Variants in DLGAP5 observed in about 807,000 individuals in gnomAD.
DLGAP5 encodes disks large-associated protein 5.
Under a neutral mutation model 99.6 loss-of-function variants are expected in DLGAP5, and 90 were observed. The observed-to-expected ratio is 0.90, with a 90% CI of 0.76 to 1.08. The LOEUF is 1.08. DLGAP5 is among the 50% of genes least tolerant of loss of function. The pLI is 0.00. For synonymous variants in DLGAP5, 311 were observed against 321.3 expected (o/e 0.97, Z 0.34); for missense variants, 1,036 against 983.5 (o/e 1.05, Z -0.71).
chr14:55,152,579 A>C lies in DLGAP5; in HGVS notation c.2121+11T>G. 2.5e-6 allele frequency: 4 copies of C among 1,596,718 alleles called. No homozygotes were observed. The highest frequency in any genetic ancestry group is 1.7e-5 in the Admixed American group (1 of 58,764). ...TACTGGGCTATCTAACCACACTGGA[A>C]TTGTACTTACATGATTTTCTTCAAT... On this transcript the variant is annotated intron_variant, in intron 16 of 18. Transcript: ENST00000247191.
intron 8 of DLGAP5, 51 bp downstream of exon 8, chr14:55,177,011 C>T: frequency 5.0e-6 from 3 of 595,500 alleles, no homozygotes; most frequent in South Asian, 1.2e-4. Flanking sequence ...AAAAGAAAGG[C>T]ATTTATTACC....
chr14:55,177,010 G>T, intron 8 of DLGAP5, 52 bp downstream of exon 8: 1 of 724,872 alleles, frequency 1.4e-6, no homozygotes. Flanking sequence ...AAAAAGAAAG[G>T]CATTTATTAC....
chr14:55,167,015 G>C (rs1882667715), intron 12 of DLGAP5, among the ~76,000 whole-genome samples: 1 of 151,900 alleles, frequency 6.6e-6, no homozygotes, highest in African/African-American at 2.4e-5. Flanking sequence ...CAGCACTTTG[G>C]GGGCCGAGGC....
intron 12 of DLGAP5, among the ~76,000 whole-genome samples, 175 bp downstream of exon 12, chr14:55,169,224 G>A (rs186855184): frequency 6.7e-6 from 1 of 148,386 alleles, no homozygotes; most frequent in Admixed American, 6.7e-5. Context: ...TGGGAGAAGA[G>A]GACATCAGTC....
intron 13 of DLGAP5, 127 bp from the exon 14 acceptor site, chr14:55,158,868 T>C (rs1316709981): frequency 1.4e-5 from 9 of 665,976 alleles, no homozygotes; most frequent in Non-Finnish European, 2.0e-5. Context: ...ATATTTCACA[T>C]TCATCATATA....
Position 55,169,538 on chromosome 14 carries a change from G to C in DLGAP5, c.1409C>G (p.Ala470Gly). 6.3e-7 allele frequency: 1 copy of C among 1,593,298 alleles called. No homozygotes were observed. The highest frequency in any genetic ancestry group is 8.5e-7 in the Non-Finnish European group (1 of 1,174,830). The change falls in exon 12 of 19, where the codon GCA (alanine) becomes GGA (glycine). Residue 470 changes from alanine (A) to glycine (G), a missense_variant. Ala to Gly is a moderately conservative substitution (Grantham distance 60). Transcript: ENST00000247191. ...CATAAGGAGTCTTGTTTGACCAACT[G>C]CTGTGCGAATAAGATCTTTAGCTGA... ...PDDAKDLIRT[A>G]VGQTRLLMKE...
At position 55,182,395 on chromosome 14, in the gene DLGAP5, G is replaced by A. The variant is rs1414412793; in HGVS notation, c.470C>T (p.Ala157Val). 6.2e-7 allele frequency: 1 copy of A among 1,612,654 alleles called. No individual in the cohort carries two copies. Among genetic ancestry groups the A allele is most frequent in the South Asian group, 1.1e-5 (1 of 90,994 alleles). The stretch of plus-strand genomic sequence containing the variant: ...CTTAGTCTGCTCCATTTGGTCTTTG[G>A]CCTTTGACCTTGTAATCCGTACAGA... ...PSSVRITRSK[A>V]KDQMEQTKID... The change falls in exon 4 of 19, where the codon GCC becomes GTC. Residue 157 changes from alanine to valine, a missense_variant. Physicochemically the swap from Ala to Val is moderately conservative, Grantham distance 64 (BLOSUM62 0). Coordinates refer to ENST00000247191, the MANE Select transcript of DLGAP5 (RefSeq NM_014750.5).
chr14:55,171,961 G>A (rs1164719144), intron 10 of DLGAP5, among the ~76,000 whole-genome samples: 4 of 152,120 alleles, frequency 2.6e-5, no homozygotes, highest in Non-Finnish European at 4.4e-5. Flanking sequence ...AGGAGGGAAT[G>A]GCTGAGGAAT....
rs1249057946 is a variant in DLGAP5, at chr14:55,175,492, T to C, written c.1175-20A>G. On this transcript the variant is annotated intron_variant, in intron 9 of 18. Transcript: ENST00000247191. ...CATGTTCTATAAATTAAAGAAAATC[T>C]TACATATAAATTTCAAAGCAACAAT... 8.5e-7 allele frequency: 1 copy of C among 1,176,974 alleles called. No homozygotes were observed. The highest frequency in any genetic ancestry group is 1.6e-5 in the African/African-American group (1 of 63,364). The allele number at this position is 1,176,974 out of a possible 1,614,324, so 72.9% of individuals were successfully genotyped here.
chr14:55,176,924 G>T, intron 8 of DLGAP5, 138 bp downstream of exon 8: 1 of 636,054 alleles, frequency 1.6e-6, no homozygotes, highest in Non-Finnish European at 2.2e-6. Context: ...CTTACAGTGA[G>T]GGGAGATCAC....
At chr14:55,187,621 CCTTTT>C (rs1311346568) in intron 2 of DLGAP5, among the ~76,000 whole-genome samples, 6 of 76,758 alleles carry the variant, frequency 7.8e-5, no homozygotes, top group South Asian at 5.8e-4. Context: ...CCGACCTGAT[CCTTTT>C]CTTTTTTTTT....
intron 12 of DLGAP5, 121 bp downstream of exon 12, chr14:55,169,278 A>G (rs1404166654): frequency 1.8e-6 from 1 of 565,754 alleles, no homozygotes; most frequent in Non-Finnish European, 2.8e-6. Flanking sequence ...AGTGCTTTAT[A>G]ACATCTTATT....
At chr14:55,152,737 A>T in intron 15 of DLGAP5, 90 bp from the exon 16 acceptor site, 1 of 1,107,282 alleles carries the variant, frequency 9.0e-7, no homozygotes, top group East Asian at 2.8e-5. Context: ...GATGGCAATT[A>T]GTTTAGGGAA....
At chr14:55,152,043 C>A in intron 16 of DLGAP5, 102 bp from the exon 17 acceptor site, 1 of 1,073,460 alleles carries the variant, frequency 9.3e-7, no homozygotes. Context: ...AGAAGGATGA[C>A]ATCCCGGACA....
chr14:55,180,523 A>G (rs543004426), intron 6 of DLGAP5, 133 bp downstream of exon 6: 1 of 1,267,344 alleles, frequency 7.9e-7, no homozygotes, highest in East Asian at 2.4e-5. Flanking sequence ...CACAGAATCT[A>G]TTTTCAGGTA....
At chr14:55,154,449 T>G (rs1422678520) in intron 15 of DLGAP5, among the ~76,000 whole-genome samples, 168 bp downstream of exon 15, 1 of 152,174 alleles carries the variant, frequency 6.6e-6, no homozygotes. Flanking sequence ...CCTGAAACCT[T>G]AAGCTTTAGT....
intron 6 of DLGAP5, 95 bp from the exon 7 acceptor site, chr14:55,179,794 A>AT: frequency 1.0e-6 from 1 of 972,108 alleles, no homozygotes; most frequent in Non-Finnish European, 1.5e-6. Flanking sequence ...CAGTAGGAAT[A>AT]TATGTCTTGA....
intron 14 of DLGAP5, 43 bp from the exon 15 acceptor site, chr14:55,154,849 T>A (rs1882153138): frequency 1.3e-6 from 2 of 1,538,118 alleles, no homozygotes; most frequent in African/African-American, 2.7e-5. Context: ...ATAGTTCTTT[T>A]GCTTTTCATT....
At chr14:55,158,300 A>G (rs558302008) in intron 14 of DLGAP5, among the ~76,000 whole-genome samples, 1 of 152,360 alleles carries the variant, frequency 6.6e-6, no homozygotes, top group African/African-American at 2.4e-5. Context: ...AAGCAATCTT[A>G]GAAGACTTAT....
Sources: allele counts gnomAD v4.1 joint callset (sites outside exome capture counted in the v4.1 genomes callset), GRCh38; gene constraint gnomAD v4.1.1; transcripts MANE v1.5; gene names NCBI Gene and HGNC (gene_info 2026-07-23, HGNC 2026-07-21).